AKAP6: variants seen among roughly 807,000 people sequenced by gnomAD.
AKAP6 encodes the protein A-kinase anchor protein 6.
AKAP6 carries 58 observed loss-of-function variants against 188.5 expected under a neutral mutation model. The observed-to-expected ratio is 0.31, with a 90% confidence interval of 0.25 to 0.38. AKAP6 has a LOEUF of 0.38. Among genes scored for constraint, AKAP6 ranks in the 10% least tolerant of loss-of-function variants. The pLI is 1.00. For synonymous variants in AKAP6, 989 were observed against 998.6 expected, an observed-to-expected ratio of 0.99 and a Z score of 0.18; for missense variants, 2,710 against 2,740.0, an observed-to-expected ratio of 0.99 and a Z score of 0.24.
chr14:32,531,183 T>C lies in AKAP6; in HGVS notation c.325-4371T>C, dbSNP rs567566319. On this transcript the variant is annotated intron_variant, in intron 2 of 13. Coordinates refer to ENST00000280979, the MANE Select transcript of AKAP6 (RefSeq NM_004274.5). The stretch of plus-strand genomic sequence containing the variant: ...TAAACAAAGCAATGTAGAGGGTCAC[T>C]TTCCCACATTAGCACAGTAATATCT... Among the ~76,000 whole-genome samples the C allele has an allele frequency of 1.6e-4, 24 of 152,346 alleles. 1 individual carries two copies. In the South Asian group the frequency reaches 5.0e-3, roughly 32 times the overall value.
chr14:32,562,489 G>A (rs1883997396), intron 4 of AKAP6, among the ~76,000 whole-genome samples: 1 of 152,158 alleles, frequency 6.6e-6, no homozygotes, highest in South Asian at 2.1e-4. Context: ...CAGGCCCAGT[G>A]GCTCACACCT....
intron 7 of AKAP6, among the ~76,000 whole-genome samples, chr14:32,668,196 A>C (rs1252895076): frequency 6.6e-6 from 1 of 151,906 alleles, no homozygotes; most frequent in Non-Finnish European, 1.5e-5. Context: ...GTATATTTGC[A>C]CTCCCTTCCC....
chr14:32,758,174 T>G (rs922415259), intron 11 of AKAP6, among the ~76,000 whole-genome samples: 1 of 152,120 alleles, frequency 6.6e-6, no homozygotes, highest in Non-Finnish European at 1.5e-5. Flanking sequence ...TCCTCACCAA[T>G]TGATACCTGA....
At chr14:32,354,266 G>A (rs1439045843) in intron 1 of AKAP6, among the ~76,000 whole-genome samples, 1 of 149,294 alleles carries the variant, frequency 6.7e-6, no homozygotes, top group African/African-American at 2.5e-5. Flanking sequence ...CAGAGATATA[G>A]ATCAATGGAA....
chr14:32,508,543 T>G (rs1476855000), intron 2 of AKAP6, among the ~76,000 whole-genome samples: 1 of 152,208 alleles, frequency 6.6e-6, no homozygotes, highest in Non-Finnish European at 1.5e-5. Context: ...GATTGACCAA[T>G]AGGATATTTG....
intron 1 of AKAP6, among the ~76,000 whole-genome samples, chr14:32,414,842 C>G (rs941741): frequency 0.94 from 142,388 of 152,198 alleles, 67,212 homozygotes; most frequent in East Asian, 1. Flanking sequence ...GCCCTAGCCA[C>G]TGAATGACCT....
intron 9 of AKAP6, among the ~76,000 whole-genome samples, chr14:32,717,443 T>A (rs1025559196): frequency 2.0e-5 from 3 of 152,140 alleles, no homozygotes; most frequent in African/African-American, 7.2e-5. Flanking sequence ...GTTTTTAGGA[T>A]TTATTCCCTG....
intron 4 of AKAP6, among the ~76,000 whole-genome samples, chr14:32,553,861 A>G (rs890789266): frequency 6.6e-6 from 1 of 152,220 alleles, no homozygotes; most frequent in Non-Finnish European, 1.5e-5. Context: ...GTGTGAATAA[A>G]TTACTAGAGC....
chr14:32,640,535 T>A (rs573467044), intron 7 of AKAP6, among the ~76,000 whole-genome samples: 1 of 152,280 alleles, frequency 6.6e-6, no homozygotes, highest in East Asian at 1.9e-4. Flanking sequence ...AATTGATAAA[T>A]GTCTATGTAA....
chr14:32,495,863 C>A (rs1420695087), intron 2 of AKAP6, among the ~76,000 whole-genome samples: 1 of 152,070 alleles, frequency 6.6e-6, no homozygotes, highest in Non-Finnish European at 1.5e-5. Flanking sequence ...AGATGAAAAT[C>A]AACACTACTC....
intron 1 of AKAP6, among the ~76,000 whole-genome samples, chr14:32,390,845 A>C (rs1170342756): frequency 6.6e-6 from 1 of 152,036 alleles, no homozygotes; most frequent in Non-Finnish European, 1.5e-5. Flanking sequence ...TGGAGCAAAA[A>C]TTCACGACGC....
At chr14:32,499,309 TA>T (rs1197981941) in intron 2 of AKAP6, among the ~76,000 whole-genome samples, 1 of 28,764 alleles carries the variant, frequency 3.5e-5, no homozygotes. Flanking sequence ...AAACACATGA[TA>T]AAAAATAAGT....
intron 2 of AKAP6, among the ~76,000 whole-genome samples, chr14:32,456,887 A>G (rs1451699022): frequency 6.6e-6 from 1 of 152,208 alleles, no homozygotes; most frequent in Admixed American, 6.5e-5. Context: ...TTATATGAAA[A>G]AATCAATGAT....
intron 1 of AKAP6, among the ~76,000 whole-genome samples, chr14:32,424,101 C>A (rs1330829791): frequency 6.6e-6 from 1 of 152,132 alleles, no homozygotes. Flanking sequence ...TTGATCCTCT[C>A]ATAATGCTGA....
At chr14:32,414,971 C>G (rs1053232386) in intron 1 of AKAP6, among the ~76,000 whole-genome samples, 7 of 152,130 alleles carry the variant, frequency 4.6e-5, no homozygotes, top group African/African-American at 1.7e-4. Context: ...TTTTAACCCA[C>G]CAATTAGTTT....
At chr14:32,628,010 T>G (rs1887097325) in intron 7 of AKAP6, 1 of 152,100 alleles carries the variant, frequency 6.6e-6, no homozygotes, top group Non-Finnish European at 1.5e-5. Flanking sequence ...GGGGTGGATG[T>G]GGAGCCTGAG....
intron 7 of AKAP6, among the ~76,000 whole-genome samples, chr14:32,630,359 A>T (rs1887216343): frequency 2.0e-5 from 3 of 152,082 alleles, no homozygotes; most frequent in Admixed American, 2.0e-4. Context: ...TAATAACAGT[A>T]TGTTGGAAAT....
intron 11 of AKAP6, among the ~76,000 whole-genome samples, chr14:32,760,687 C>T (rs1302921554): frequency 6.6e-6 from 1 of 152,112 alleles, no homozygotes; most frequent in East Asian, 1.9e-4. Flanking sequence ...AAATTTATTC[C>T]TCTAAAGGAA....
chr14:32,331,021 C>A (rs771928577), intron 1 of AKAP6, among the ~76,000 whole-genome samples: 3 of 151,934 alleles, frequency 2.0e-5, no homozygotes, highest in African/African-American at 7.2e-5. Flanking sequence ...ACATCTAAGT[C>A]GAAAGCTCTA....
Sources: allele counts gnomAD v4.1 joint callset (sites outside exome capture counted in the v4.1 genomes callset), GRCh38; gene constraint gnomAD v4.1.1; transcripts MANE v1.5; gene names NCBI Gene and HGNC (gene_info 2026-07-23, HGNC 2026-07-21).